Variants in CSMD1 observed in about 807,000 individuals in gnomAD.
CSMD1 encodes CUB and Sushi multiple domains 1.
CSMD1 carries 213 observed loss-of-function variants against 417.5 expected under a neutral mutation model. The observed-to-expected ratio is 0.51, with a 90% CI of 0.46 to 0.57. The LOEUF is 0.57. CSMD1 is among the 20% of genes least tolerant of loss of function. CSMD1 has a pLI of 0.00. For missense variants in CSMD1, 6,923 were observed against 4,529.7 expected (o/e 1.53, Z -15.17); for synonymous variants, 2,862 against 1,736.8 (o/e 1.65, Z -16.11).
chr8:4,445,811 G>A (rs1360106498), intron 2 of CSMD1, among the ~76,000 whole-genome samples: 1 of 152,178 alleles, frequency 6.6e-6, no homozygotes, highest in Non-Finnish European at 1.5e-5. Flanking sequence ...TGATTAACGA[G>A]AATGTTTAAA....
intron 7 of CSMD1, among the ~76,000 whole-genome samples, chr8:3,670,974 GAT>G (rs768490734): frequency 1.5e-4 from 18 of 123,780 alleles, no homozygotes; most frequent in South Asian, 5.2e-4. Context: ...ATGTATATGG[GAT>G]ATATATGTAT....
intron 6 of CSMD1, among the ~76,000 whole-genome samples, chr8:3,749,811 T>C (rs150864504): frequency 5.5e-4 from 83 of 152,242 alleles, no homozygotes; most frequent in African/African-American, 1.8e-3. Context: ...CTTTCCATGT[T>C]TGTTTATTAC....
At chr8:4,182,151 C>T (rs1322655931) in intron 3 of CSMD1, among the ~76,000 whole-genome samples, 2 of 151,984 alleles carry the variant, frequency 1.3e-5, no homozygotes, top group Non-Finnish European at 2.9e-5. Context: ...AAAAAAACAA[C>T]ATAGCACCAA....
In CSMD1 at chr8:3,875,692, T is replaced by G. The variant is rs1049847061; in HGVS notation, c.819-121650A>C. On this transcript the variant is annotated intron_variant, in intron 5 of 69. Coordinates refer to ENST00000635120, the MANE Select transcript of CSMD1 (RefSeq NM_033225.6). ...CAGGAGAGCAGCTCTGGCTGAGGTC[T>G]AGGGAGGGGGCAGAATCTTCTCGAG... Among the ~76,000 whole-genome samples, 102 of 151,914 alleles carry G rather than the reference T, an allele frequency of 6.7e-4. 2 individuals carry two copies. Among genetic ancestry groups the G allele is most frequent in the Non-Finnish European group, 1.6e-4 (11 of 67,978 alleles).
At chr8:4,172,082 G>A (rs553953535) in intron 3 of CSMD1, among the ~76,000 whole-genome samples, 2 of 149,976 alleles carry the variant, frequency 1.3e-5, no homozygotes, top group Admixed American at 1.3e-4. Context: ...TCAGGGGAAG[G>A]CGTATCACGG....
intron 5 of CSMD1, among the ~76,000 whole-genome samples, chr8:3,919,024 T>C (rs906312713): frequency 2.6e-5 from 4 of 151,978 alleles, no homozygotes; most frequent in African/African-American, 9.7e-5. Context: ...GAAACACCTA[T>C]GGAAATATTT....
chr8:4,749,965 G>A (rs992723809), intron 1 of CSMD1, among the ~76,000 whole-genome samples: 7 of 151,704 alleles, frequency 4.6e-5, no homozygotes, highest in Non-Finnish European at 1.0e-4. Context: ...TCCCTCAAGT[G>A]CCTGTTTAAT....
chr8:3,764,174 A>G (rs1196354201), intron 5 of CSMD1, among the ~76,000 whole-genome samples: 2 of 152,110 alleles, frequency 1.3e-5, no homozygotes, highest in Admixed American at 6.6e-5. Flanking sequence ...CCCCTCCTCC[A>G]TTTAGATTTG....
chr8:3,210,411 T>C (rs1047880047), intron 30 of CSMD1, among the ~76,000 whole-genome samples: 1 of 150,972 alleles, frequency 6.6e-6, no homozygotes, highest in African/African-American at 2.4e-5. Context: ...TTTGGTTTTA[T>C]ATATATGACC....
intron 1 of CSMD1, among the ~76,000 whole-genome samples, chr8:4,957,555 T>A (rs564497179): frequency 4.2e-4 from 64 of 152,316 alleles, no homozygotes; most frequent in African/African-American, 1.4e-3. Flanking sequence ...CATTGTGATA[T>A]CAGTGTCTTT....
chr8:4,994,084 G>T (rs896975435), intron 1 of CSMD1, among the ~76,000 whole-genome samples: 18 of 151,174 alleles, frequency 1.2e-4, no homozygotes, highest in Admixed American at 2.6e-4. Flanking sequence ...CCGAGAAAAA[G>T]AGATCTCTCC....
intron 4 of CSMD1, among the ~76,000 whole-genome samples, chr8:4,003,653 C>T (rs1045519422): frequency 2.0e-5 from 3 of 152,104 alleles, no homozygotes; most frequent in South Asian, 4.1e-4. Context: ...TACATAAATA[C>T]GAAGAGTAAA....
chr8:4,469,737 A>C (rs2130034982), intron 2 of CSMD1, among the ~76,000 whole-genome samples: 1 of 152,196 alleles, frequency 6.6e-6, no homozygotes, highest in East Asian at 1.9e-4. Flanking sequence ...ACATCTCTGC[A>C]CAGGAGGCAA....
chr8:4,445,847 C>T (rs921791606), intron 2 of CSMD1, among the ~76,000 whole-genome samples: 7 of 152,164 alleles, frequency 4.6e-5, no homozygotes, highest in African/African-American at 9.7e-5. Context: ...TTAACATCTT[C>T]AATGCAGAAG....
At chr8:3,747,877 G>T (rs1233643814) in intron 6 of CSMD1, among the ~76,000 whole-genome samples, 1 of 152,130 alleles carries the variant, frequency 6.6e-6, no homozygotes, top group Non-Finnish European at 1.5e-5. Flanking sequence ...GAGGCATTGA[G>T]TCTGAGGAAG....
chr8:4,858,923 G>A (rs968337184), intron 1 of CSMD1, among the ~76,000 whole-genome samples: 9 of 150,750 alleles, frequency 6.0e-5, no homozygotes, highest in Admixed American at 5.3e-4. Flanking sequence ...TACTTTAAAG[G>A]TCATATGGAA....
intron 21 of CSMD1, among the ~76,000 whole-genome samples, chr8:3,350,192 GTGTA>G (rs200876178): frequency 0.023 from 2,796 of 123,610 alleles, 358 homozygotes; most frequent in African/African-American, 0.082. Context: ...CCTATAACTT[GTGTA>G]TGTGTGTGTT....
rs559383827 is a variant in CSMD1 at position 4,486,180 on chromosome 8, C to CATATAT, written c.303-66121_303-66116dup. On this transcript the variant is annotated intron_variant, in intron 2 of 69. Transcript: ENST00000635120. ...ATACATACATATATATATATACATACATATATATATATATATATACATACA... is the reference window on the plus strand; with the variant it reads ...ATACATACATATATATATATACATACATATATATATATATATATATATATACATACA... Among the ~76,000 whole-genome samples, 4 of 17,610 alleles carry CATATAT rather than the reference C, an allele frequency of 2.3e-4. No homozygotes were observed. The East Asian group carries it at 6.3e-3, about 28-fold the overall frequency. 11.6% of individuals were successfully genotyped at this position (17,610 alleles called of 152,430 possible).
intron 1 of CSMD1, among the ~76,000 whole-genome samples, chr8:4,939,649 G>C (rs1020280688): frequency 3.9e-5 from 6 of 152,096 alleles, no homozygotes; most frequent in African/African-American, 1.4e-4. Context: ...GGGGTGAGTG[G>C]GAAGGAATTG....
Sources: gnomAD v4.1 joint callset for allele counts (sites outside exome capture counted in the v4.1 genomes callset) on GRCh38, gnomAD v4.1.1 for gene constraint, MANE v1.5 for transcripts, NCBI Gene and HGNC (gene_info 2026-07-23, HGNC 2026-07-21) for gene names.